The following SLC10A7 variants were observed in gnomAD, a reference collection of about 807,000 sequenced individuals.
SLC10A7 encodes the protein solute carrier family 10 member 7.
A neutral mutation model predicts 43.2 loss-of-function variants in SLC10A7; 29 were observed. The ratio of observed to expected loss-of-function variants is 0.67; its 90% confidence interval spans 0.50 to 0.92. The LOEUF is 0.92. SLC10A7 is among the 40% of genes least tolerant of loss of function. The probability of loss-of-function intolerance (pLI) is 0.00; values close to 1 mark genes in which losing one functional copy is unlikely to be tolerated. For synonymous variants in SLC10A7, 152 were observed against 144.8 expected (o/e 1.05, Z -0.35); for missense variants, 295 against 403.2 (o/e 0.73, Z 2.30).
chr4:146,269,861 C>T (rs1386168877), intron 10 of SLC10A7, among the ~76,000 whole-genome samples: 1 of 152,136 alleles, frequency 6.6e-6, no homozygotes, highest in Non-Finnish European at 1.5e-5. Flanking sequence ...AGAAGGCTTC[C>T]AAATGTTAGT....
chr4:146,500,762 C>CTCTACTT (rs1274598481), intron 4 of SLC10A7, among the ~76,000 whole-genome samples: 2 of 152,122 alleles, frequency 1.3e-5, no homozygotes, highest in Non-Finnish European at 2.9e-5. Context: ...AAACAGTTGT[C>CTCTACTT]TCTACTTCTA....
At chr4:146,356,404 G>A (rs1174809096) in intron 5 of SLC10A7, among the ~76,000 whole-genome samples, 1 of 151,990 alleles carries the variant, frequency 6.6e-6, no homozygotes, top group Non-Finnish European at 1.5e-5. Flanking sequence ...AGAGATCCTC[G>A]TGTAACTTTG....
intron 10 of SLC10A7, among the ~76,000 whole-genome samples, chr4:146,272,130 C>T (rs1430664967): frequency 6.6e-6 from 1 of 152,104 alleles, no homozygotes; most frequent in Admixed American, 6.5e-5. Flanking sequence ...ATAGTAAGTA[C>T]CAAATAAACA....
intron 5 of SLC10A7, among the ~76,000 whole-genome samples, chr4:146,404,898 T>A (rs2149822049): frequency 6.6e-6 from 1 of 152,330 alleles, no homozygotes; most frequent in East Asian, 1.9e-4. Context: ...TTGACAGTTT[T>A]GTTTGTACAT....
intron 9 of SLC10A7, among the ~76,000 whole-genome samples, chr4:146,289,096 C>T (rs1730230183): frequency 6.6e-6 from 1 of 152,350 alleles, no homozygotes; most frequent in Non-Finnish European, 1.5e-5. Context: ...TTGTTAACCT[C>T]TGTACCTGTG....
chr4:146,489,811 C>T (rs139538904), intron 4 of SLC10A7, among the ~76,000 whole-genome samples: 1 of 152,174 alleles, frequency 6.6e-6, no homozygotes, highest in Admixed American at 6.5e-5. Context: ...AAAGACTCCT[C>T]TATTTAGCAA....
At position 146,294,897 on chromosome 4, in the gene SLC10A7, CT is replaced by C. The variant is rs764702258; in HGVS notation, c.556-803del. Among the ~76,000 whole-genome samples, 3 of 152,256 alleles carry C rather than the reference CT, an allele frequency of 2.0e-5. No individual in the cohort carries two copies. The South Asian group carries it at 6.2e-4, about 32-fold the overall frequency. ...CCACTCTACTTAAAACATTGTTTCA[CT>C]TTTGAAAGAAGCTGTACAAGTCCCA... On this transcript the variant is annotated intron_variant, in intron 7 of 11. Transcript: ENST00000335472.
intron 9 of SLC10A7, among the ~76,000 whole-genome samples, chr4:146,284,287 G>A (rs771835955): frequency 1.6e-4 from 25 of 152,066 alleles, no homozygotes; most frequent in Non-Finnish European, 2.5e-4. Flanking sequence ...ATATAACAAT[G>A]TACCTGATTT....
At chr4:146,426,179 C>T (rs540580368) in intron 5 of SLC10A7, among the ~76,000 whole-genome samples, 1 of 152,288 alleles carries the variant, frequency 6.6e-6, no homozygotes, top group South Asian at 2.1e-4. Flanking sequence ...TCCTGACAAT[C>T]AGGTGCTCAG....
Position 146,442,769 on chromosome 4 carries a change from C to A in SLC10A7, c.435+14G>T. 6.2e-7 allele frequency: 1 copy of A among 1,602,380 alleles called. No individual in the cohort carries two copies. On this transcript the variant is annotated intron_variant, in intron 5 of 11. Coordinates refer to ENST00000335472, the MANE Select transcript of SLC10A7 (RefSeq NM_001029998.6). The stretch of plus-strand genomic sequence containing the variant: ...CAAAAGTTGTAATAGACAAGTTAAA[C>A]TATGTTTACTTACCAAAAAACTTCC...
chr4:146,426,554 C>A lies in SLC10A7; in HGVS notation c.435+16229G>T, dbSNP rs978996955. Among the ~76,000 whole-genome samples the A allele has an allele frequency of 4.6e-5, 7 of 152,262 alleles. No homozygotes were observed. In the East Asian group the frequency reaches 1.4e-3, roughly 29 times the overall value. On this transcript the variant is annotated intron_variant, in intron 5 of 11. Coordinates refer to ENST00000335472, the MANE Select transcript of SLC10A7 (RefSeq NM_001029998.6). ...AATAAGTAAATAAAAAGAAGAAAAA[C>A]TTTTCCTTCTAGTTTGTATTTTTAA...
chr4:146,270,163 T>A (rs897471437), intron 10 of SLC10A7, among the ~76,000 whole-genome samples: 4 of 152,206 alleles, frequency 2.6e-5, no homozygotes, highest in Non-Finnish European at 5.9e-5. Flanking sequence ...GATGTCCTGA[T>A]AATCTACTCT....
intron 5 of SLC10A7, among the ~76,000 whole-genome samples, chr4:146,338,392 T>C (rs960248989): frequency 3.3e-5 from 5 of 151,746 alleles, no homozygotes; most frequent in Non-Finnish European, 5.9e-5. Flanking sequence ...GAGGAGAAAA[T>C]TGAGGTACAT....
At chr4:146,423,193 A>AT (rs201055964) in intron 5 of SLC10A7, among the ~76,000 whole-genome samples, 7 of 151,714 alleles carry the variant, frequency 4.6e-5, no homozygotes, top group East Asian at 3.9e-4. Context: ...AACTGTATAA[A>AT]TTTTTTTTTG....
intron 4 of SLC10A7, among the ~76,000 whole-genome samples, chr4:146,485,503 G>A (rs769539019): frequency 5.9e-5 from 9 of 152,160 alleles, no homozygotes; most frequent in Non-Finnish European, 1.2e-4. Flanking sequence ...GGGAGTCCCA[G>A]TAGGCCCTGG....
At chr4:146,432,441 T>C (rs191412734) in intron 5 of SLC10A7, among the ~76,000 whole-genome samples, 31 of 152,268 alleles carry the variant, frequency 2.0e-4, no homozygotes, top group Admixed American at 1.0e-3. Context: ...ACTACTGATA[T>C]ATACAACATA....
intron 7 of SLC10A7, among the ~76,000 whole-genome samples, chr4:146,295,056 A>G (rs917522815): frequency 6.6e-6 from 1 of 152,180 alleles, no homozygotes; most frequent in Non-Finnish European, 1.5e-5. Context: ...ACTTATCCTG[A>G]TAAGGCTGAT....
At chr4:146,286,675 C>CGTGTCTGGAGTGGTGAGGAGGACT (rs1729992253) in intron 9 of SLC10A7, among the ~76,000 whole-genome samples, 1 of 58,018 alleles carries the variant, frequency 1.7e-5, no homozygotes, top group Non-Finnish European at 3.3e-5. Flanking sequence ...TGAGAAGGAC[C>CGTGTCTGGAGTGGTGAGGAGGACT]GTGTCTGGAG....
At chr4:146,496,480 G>C (rs1735911953) in intron 4 of SLC10A7, among the ~76,000 whole-genome samples, 1 of 152,166 alleles carries the variant, frequency 6.6e-6, no homozygotes, top group Non-Finnish European at 1.5e-5. Flanking sequence ...ATCATAGAAA[G>C]CAGAAAGGTC....
Sources: allele counts gnomAD v4.1 joint callset (sites outside exome capture counted in the v4.1 genomes callset), GRCh38; gene constraint gnomAD v4.1.1; transcripts MANE v1.5; gene names NCBI Gene and HGNC (gene_info 2026-07-23, HGNC 2026-07-21).